The following KIF4A variants were observed in gnomAD, a reference collection of about 807,000 sequenced individuals.
KIF4A encodes chromosome-associated kinesin KIF4A.
KIF4A carries 7 observed loss-of-function variants against 105.9 expected under a neutral mutation model. That is an observed-to-expected ratio of 0.07 (90% confidence interval 0.04 to 0.12). The LOEUF (loss-of-function observed/expected upper bound fraction) is 0.12. Among genes scored for constraint, KIF4A ranks in the 10% least tolerant of loss-of-function variants. The pLI is 1.00. For missense variants in KIF4A, 558 were observed against 929.2 expected, an observed-to-expected ratio of 0.60 and a Z score of 5.19; for synonymous variants, 281 against 331.3, an observed-to-expected ratio of 0.85 and a Z score of 1.65.
chrX:70,344,504 G>A (rs1355605614), intron 13 of KIF4A, among the ~76,000 whole-genome samples: 1 of 110,923 alleles, frequency 9.0e-6, no homozygotes, highest in Admixed American at 9.5e-5. Flanking sequence ...GTTATTTGTT[G>A]TTTTTCCCAG....
chrX:70,382,571 A>AT (rs758984251), intron 18 of KIF4A, among the ~76,000 whole-genome samples: 27 of 112,636 alleles, frequency 2.4e-4, no homozygotes, highest in African/African-American at 8.0e-4. Context: ...GATTTCTTAG[A>AT]TGTGACACCT....
chrX:70,398,304 C>T (rs1224346277), intron 22 of KIF4A, among the ~76,000 whole-genome samples: 1 of 112,389 alleles, frequency 8.9e-6, no homozygotes, highest in African/African-American at 3.2e-5. Flanking sequence ...TCCCAAAGTT[C>T]CAGGATTACA....
chrX:70,414,385 G>A (rs1221349725), intron 28 of KIF4A, among the ~76,000 whole-genome samples: 1 of 111,649 alleles, frequency 9.0e-6, no homozygotes, highest in African/African-American at 3.3e-5. Context: ...CCACAAAGAT[G>A]TGACAGGAAA....
At chrX:70,414,145 A>C (rs2086333875) in intron 28 of KIF4A, among the ~76,000 whole-genome samples, 1 of 111,937 alleles carries the variant, frequency 8.9e-6, no homozygotes, top group Non-Finnish European at 1.9e-5. Context: ...CTTAATATTT[A>C]ACATTAGGGG....
chrX:70,291,410 T>C (rs1392558279), intron 3 of KIF4A, among the ~76,000 whole-genome samples: 1 of 109,714 alleles, frequency 9.1e-6, no homozygotes, highest in Non-Finnish European at 1.9e-5. Flanking sequence ...TTTCACAGAG[T>C]GGGAAAACTT....
intron 18 of KIF4A, among the ~76,000 whole-genome samples, chrX:70,385,634 C>T (rs1269942048): frequency 9.0e-6 from 1 of 111,496 alleles, no homozygotes; most frequent in African/African-American, 3.3e-5. Flanking sequence ...ATGAATTGTT[C>T]TAGTATGCTG....
chrX:70,348,147 T>C (rs1297051339), intron 13 of KIF4A, among the ~76,000 whole-genome samples: 1 of 108,199 alleles, frequency 9.2e-6, no homozygotes, highest in Non-Finnish European at 1.9e-5. Flanking sequence ...ATAGCACTTA[T>C]TAAGGATCTC....
intron 7 of KIF4A, among the ~76,000 whole-genome samples, chrX:70,308,069 A>C (rs2085834337): frequency 8.9e-6 from 1 of 112,113 alleles, no homozygotes; most frequent in Non-Finnish European, 1.9e-5. Flanking sequence ...ATGGCTTTTT[A>C]GGTCTTTCCT....
At chrX:70,398,184 C>T (rs150293006) in intron 22 of KIF4A, among the ~76,000 whole-genome samples, 6,407 of 111,344 alleles carry the variant, frequency 0.058, 184 homozygotes, top group Middle Eastern at 0.092. Flanking sequence ...ATTACAGGCA[C>T]ATGGCACCAT....
At chrX:70,370,441 T>A (rs1252534853) in intron 15 of KIF4A, among the ~76,000 whole-genome samples, 1 of 107,549 alleles carries the variant, frequency 9.3e-6, no homozygotes, top group East Asian at 2.8e-4. Context: ...ATATAGAATA[T>A]ATTTTTCTAT....
intron 14 of KIF4A, 27 bp from the exon 15 acceptor site, chrX:70,353,595 T>C (rs1374276141): frequency 1.1e-5 from 13 of 1,181,744 alleles, no homozygotes; most frequent in Non-Finnish European, 1.5e-5. Context: ...GTTTCTCTTA[T>C]AAATCATTAT....
At chrX:70,407,107 TTTG>T (rs768578460) in intron 28 of KIF4A, 32 bp downstream of exon 28, 472 of 1,155,855 alleles carry the variant, frequency 4.1e-4, no homozygotes, top group Non-Finnish European at 5.2e-4. Flanking sequence ...TTTTTTTTGT[TTTG>T]TTGTTGTTGT....
intron 30 of KIF4A, 120 bp from the exon 31 acceptor site, chrX:70,419,942 G>A: frequency 2.0e-6 from 2 of 1,002,193 alleles, no homozygotes; most frequent in Admixed American, 5.5e-5. Flanking sequence ...TTTTTCCATA[G>A]AATGATCTTA....
chrX:70,333,291 C>T (rs1319347292), intron 9 of KIF4A, among the ~76,000 whole-genome samples: 1 of 104,598 alleles, frequency 9.6e-6, no homozygotes, highest in African/African-American at 3.5e-5. Flanking sequence ...CTGCACTCCA[C>T]CCTGGGCGAC....
At chrX:70,412,000 A>C (rs769157431) in intron 28 of KIF4A, among the ~76,000 whole-genome samples, 1 of 111,004 alleles carries the variant, frequency 9.0e-6, no homozygotes, top group Non-Finnish European at 1.9e-5. Flanking sequence ...ACACACACAC[A>C]CCACCCTGTA....
chrX:70,399,094 A>G (rs143273121), intron 22 of KIF4A, among the ~76,000 whole-genome samples: 2,352 of 112,068 alleles, frequency 0.021, 24 homozygotes, highest in Non-Finnish European at 0.033. Flanking sequence ...TGGACCCTGG[A>G]GTTCATGTCT....
At chrX:70,327,825 A>C (rs1211961897) in intron 7 of KIF4A, among the ~76,000 whole-genome samples, 1 of 111,996 alleles carries the variant, frequency 8.9e-6, no homozygotes, top group Non-Finnish European at 1.9e-5. Flanking sequence ...ACACGCACAC[A>C]GTTGGTTTAA....
At chrX:70,397,937 C>T (rs1319378131) in intron 22 of KIF4A, among the ~76,000 whole-genome samples, 1 of 112,049 alleles carries the variant, frequency 8.9e-6, no homozygotes, top group Non-Finnish European at 1.9e-5. Context: ...TGTTGTAAAC[C>T]GTTGTTAGTT....
chrX:70,364,116 G>A (rs2086090143), intron 15 of KIF4A, among the ~76,000 whole-genome samples: 1 of 111,935 alleles, frequency 8.9e-6, no homozygotes, highest in Admixed American at 9.5e-5. Context: ...ATTTGTTTGA[G>A]TTCATTGTAG....
Sources: gnomAD v4.1 joint callset for allele counts (sites outside exome capture counted in the v4.1 genomes callset) on GRCh38, gnomAD v4.1.1 for gene constraint, MANE v1.5 for transcripts, NCBI Gene and HGNC (gene_info 2026-07-23, HGNC 2026-07-21) for gene names.